MARCHF1: variants seen among roughly 807,000 people sequenced by gnomAD.
MARCHF1 encodes membrane associated ring-CH-type finger 1.
A neutral mutation model predicts 54.2 loss-of-function variants in MARCHF1; 40 were observed. The ratio of observed to expected loss-of-function variants is 0.74; its 90% CI spans 0.57 to 0.96. The LOEUF (loss-of-function observed/expected upper bound fraction) is 0.96. Ranked by LOEUF, MARCHF1 falls within the 40% of genes least tolerant of loss-of-function variation. MARCHF1 has a pLI of 0.00. For missense variants in MARCHF1, 586 were observed against 656.5 expected, an observed-to-expected ratio of 0.89 and a Z score of 1.17; for synonymous variants, 236 against 236.3, an observed-to-expected ratio of 1.00 and a Z score of 0.01.
Position 163,934,329 on chromosome 4 carries a change from CAGG to C in MARCHF1, c.-39+54169_-39+54171del, listed in dbSNP as rs549002204. Among the ~76,000 whole-genome samples the C allele has an allele frequency of 1.4e-3, 216 of 152,088 alleles. 1 individual carries two copies. The Middle Eastern group carries it at 0.017, about 12-fold the overall frequency. ...ATAAGAAAGCAACTCCTGGCTGAGG[CAGG>C]AGGATTGCTTGAGGCCAGTAGTTTC... On this transcript the variant is annotated intron_variant, in intron 3 of 9. Transcript: ENST00000514618.
At chr4:164,223,162 G>C (rs1732160438) in intron 1 of MARCHF1, among the ~76,000 whole-genome samples, 1 of 151,930 alleles carries the variant, frequency 6.6e-6, no homozygotes, top group Non-Finnish European at 1.5e-5. Flanking sequence ...TACAATTCAA[G>C]GTGAGATTTG....
intron 1 of MARCHF1, among the ~76,000 whole-genome samples, chr4:164,312,323 T>TTC (rs1554000541): frequency 8.6e-5 from 12 of 139,028 alleles, no homozygotes; most frequent in East Asian, 2.0e-4. Flanking sequence ...CTTTTTCTTT[T>TTC]TTTTTTTTTT....
rs546830887 is a variant in MARCHF1 at position 163,659,390 on chromosome 4, AC to A, written c.162+41422del. Reference sequence around the variant, plus strand: ...ACTGGACCCCTTCCTTACACCTTATACAAAAATTAATTCAAGATGGATTAAA... The same window carrying A: ...ACTGGACCCCTTCCTTACACCTTATAAAAAATTAATTCAAGATGGATTAAA... On this transcript the variant is annotated intron_variant, in intron 5 of 9. Coordinates refer to ENST00000514618, the MANE Select transcript of MARCHF1 (RefSeq NM_001394959.1). 3.6e-3 allele frequency among the ~76,000 whole-genome samples: 550 copies of A among 152,258 alleles called. 3 individuals carry two copies. Among genetic ancestry groups the A allele is most frequent in the African/African-American group, 0.012 (509 of 41,560 alleles).
At chr4:164,140,385 GA>G (rs1198310818) in intron 1 of MARCHF1, among the ~76,000 whole-genome samples, 1 of 151,900 alleles carries the variant, frequency 6.6e-6, no homozygotes, top group Non-Finnish European at 1.5e-5. Flanking sequence ...TCTTTCTCAG[GA>G]AACCAACCAA....
chr4:164,123,749 CAGA>C (rs1425789667), intron 1 of MARCHF1, among the ~76,000 whole-genome samples: 2 of 152,020 alleles, frequency 1.3e-5, no homozygotes, highest in African/African-American at 2.4e-5. Context: ...TATTCATATG[CAGA>C]AGAAGAAAAC....
Position 164,291,417 on chromosome 4 carries a change from T to C in MARCHF1, c.-323+92453A>G, listed in dbSNP as rs183219181. ...ACTTTAGTAACAAAATTATCTCATTTGTAGAGAGTGATGTCTGGACTAACA... is the reference window on the plus strand; with the variant it reads ...ACTTTAGTAACAAAATTATCTCATTCGTAGAGAGTGATGTCTGGACTAACA... On this transcript the variant is annotated intron_variant, in intron 1 of 9. Transcript: ENST00000514618. 2.0e-3 allele frequency among the ~76,000 whole-genome samples: 307 copies of C among 152,178 alleles called. 6 individuals are homozygous for C. The highest frequency in any genetic ancestry group is 6.0e-3 in the East Asian group (31 of 5,186).
chr4:164,325,180 G>A (rs1735240852), intron 1 of MARCHF1, among the ~76,000 whole-genome samples: 1 of 151,504 alleles, frequency 6.6e-6, no homozygotes, highest in Non-Finnish European at 1.5e-5. Flanking sequence ...AATAATCAAA[G>A]ATACAGGTAA....
chr4:163,883,124 G>A (rs1750452237), intron 3 of MARCHF1, among the ~76,000 whole-genome samples: 1 of 152,040 alleles, frequency 6.6e-6, no homozygotes, highest in South Asian at 2.1e-4. Context: ...CACGGGAGTT[G>A]CTCCCTTTGT....
intron 1 of MARCHF1, among the ~76,000 whole-genome samples, chr4:164,185,113 C>A (rs1442702338): frequency 6.6e-6 from 1 of 152,116 alleles, no homozygotes; most frequent in African/African-American, 2.4e-5. Flanking sequence ...TTATTTTCCT[C>A]ACAAAATTCT....
chr4:164,298,509 T>C (rs891131422), intron 1 of MARCHF1, among the ~76,000 whole-genome samples: 2 of 152,084 alleles, frequency 1.3e-5, no homozygotes, highest in African/African-American at 2.4e-5. Context: ...CCCTTTTATA[T>C]ATTTTAAACA....
At chr4:163,599,774 T>C (rs1297885583) in intron 7 of MARCHF1, among the ~76,000 whole-genome samples, 3 of 152,206 alleles carry the variant, frequency 2.0e-5, no homozygotes, top group Non-Finnish European at 4.4e-5. Flanking sequence ...ATAATTTGCA[T>C]GTTTAAAAAC....
In MARCHF1 at chr4:164,277,638, G is replaced by T. The variant is rs571639450; in HGVS notation, c.-323+106232C>A. Among the ~76,000 whole-genome samples the T allele has an allele frequency of 2.2e-3, 331 of 152,278 alleles. 1 individual carries two copies. The highest frequency in any genetic ancestry group is 5.4e-3 in the Admixed American group (83 of 15,300). The stretch of plus-strand genomic sequence containing the variant: ...CTCAGCAGGAGGCCCATTCTCTTTT[G>T]CAATCCTCTGGCCTCCAGCCCATTT... On this transcript the variant is annotated intron_variant, in intron 1 of 9. Coordinates refer to ENST00000514618, the MANE Select transcript of MARCHF1 (RefSeq NM_001394959.1).
chr4:164,197,722 C>T (rs201716134), intron 1 of MARCHF1: 1 of 1,608,270 alleles, frequency 6.2e-7, no homozygotes, highest in East Asian at 2.2e-5. Context: ...CTCTCGCGCT[C>T]TCTGTCTGCA....
intron 4 of MARCHF1, among the ~76,000 whole-genome samples, chr4:163,823,980 T>C (rs1748771937): frequency 6.6e-6 from 1 of 151,822 alleles, no homozygotes; most frequent in African/African-American, 2.4e-5. Flanking sequence ...AAATCCCCTA[T>C]ATATCATTCA....
At chr4:164,240,795 A>G (rs1040880121) in intron 1 of MARCHF1, among the ~76,000 whole-genome samples, 6 of 152,038 alleles carry the variant, frequency 3.9e-5, no homozygotes, top group African/African-American at 1.2e-4. Flanking sequence ...CTATCATGAC[A>G]TTCTTTGTTG....
intron 2 of MARCHF1, among the ~76,000 whole-genome samples, chr4:164,049,172 G>A (rs62348142): frequency 1.7e-3 from 263 of 152,336 alleles, no homozygotes; most frequent in Non-Finnish European, 3.1e-3. Flanking sequence ...CAATCATGGC[G>A]GAAGGGGAAG....
chr4:164,308,928 G>C (rs546152394), intron 1 of MARCHF1, among the ~76,000 whole-genome samples: 10 of 148,482 alleles, frequency 6.7e-5, no homozygotes, highest in African/African-American at 2.5e-4. Flanking sequence ...TAAATAACAA[G>C]CCTGCCCATG....
chr4:164,360,454 A>G (rs1477091985), intron 1 of MARCHF1, among the ~76,000 whole-genome samples: 1 of 151,918 alleles, frequency 6.6e-6, no homozygotes, highest in Non-Finnish European at 1.5e-5. Context: ...GGAGAAAACT[A>G]AGACAATAAA....
intron 3 of MARCHF1, among the ~76,000 whole-genome samples, chr4:163,877,702 T>C (rs918882105): frequency 1.3e-5 from 2 of 152,198 alleles, no homozygotes; most frequent in African/African-American, 4.8e-5. Flanking sequence ...ACTCTCCTGC[T>C]TACATGCAAA....
Sources: gnomAD v4.1 joint callset for allele counts (sites outside exome capture counted in the v4.1 genomes callset) on GRCh38, gnomAD v4.1.1 for gene constraint, MANE v1.5 for transcripts, NCBI Gene and HGNC (gene_info 2026-07-23, HGNC 2026-07-21) for gene names.